The following ZMYND8 variants were observed in gnomAD, a reference collection of about 807,000 sequenced individuals.
The protein encoded by ZMYND8 is MYND-type zinc finger-containing chromatin reader ZMYND8.
In ZMYND8, 37 loss-of-function variants were observed where a neutral mutation model predicts 140.8. The observed-to-expected ratio is 0.26, with a 90% confidence interval of 0.20 to 0.35. ZMYND8 has a LOEUF of 0.35. Among genes scored for constraint, ZMYND8 ranks in the 10% least tolerant of loss-of-function variants. ZMYND8 has a pLI of 1.00. For missense variants in ZMYND8, 1,068 were observed against 1,570.0 expected, an observed-to-expected ratio of 0.68 and a Z score of 5.40; for synonymous variants, 592 against 597.1, an observed-to-expected ratio of 0.99 and a Z score of 0.12.
intron 14 of ZMYND8, among the ~76,000 whole-genome samples, chr20:47,241,294 C>CAAAA (rs11476591): frequency 3.2e-5 from 2 of 62,018 alleles, no homozygotes; most frequent in East Asian, 5.6e-4. Flanking sequence ...GACTCCGTCT[C>CAAAA]AAAAAAAAAA....
At chr20:47,352,487 A>C in intron 1 of ZMYND8, 1 of 985,448 alleles carries the variant, frequency 1.0e-6, no homozygotes, top group South Asian at 4.7e-5. Context: ...CTCACAAATT[A>C]GATTTCTGAC....
chr20:47,273,885 AT>A (rs1351497773), intron 11 of ZMYND8, among the ~76,000 whole-genome samples: 1 of 152,240 alleles, frequency 6.6e-6, no homozygotes, highest in Non-Finnish European at 1.5e-5. Context: ...AAAGGGGGCA[AT>A]TTGTAAGAGT....
At chr20:47,317,133 T>TC (rs34270767) in intron 2 of ZMYND8, among the ~76,000 whole-genome samples, 1 of 152,278 alleles carries the variant, frequency 6.6e-6, no homozygotes, top group East Asian at 1.9e-4. Context: ...TTGCCTTTTT[T>TC]CCCCTAAACT....
At chr20:47,248,169 G>A (rs1466666474) in intron 13 of ZMYND8, among the ~76,000 whole-genome samples, 5 of 152,258 alleles carry the variant, frequency 3.3e-5, no homozygotes, top group South Asian at 2.1e-4. Context: ...TTCTCTATCC[G>A]CAAAATGGGA....
chr20:47,315,170 T>C (rs990707674), intron 2 of ZMYND8, among the ~76,000 whole-genome samples: 4 of 152,134 alleles, frequency 2.6e-5, no homozygotes, highest in Non-Finnish European at 4.4e-5. Flanking sequence ...GGCAAGGGAC[T>C]ATCACCCAAG....
chr20:47,294,699 G>GAGC lies in ZMYND8; in HGVS notation c.531_533dup (p.Leu178dup). 6.2e-7 allele frequency: 1 copy of GAGC among 1,614,180 alleles called. No individual in the cohort carries two copies. Among genetic ancestry groups the GAGC allele is most frequent in the Non-Finnish European group, 8.5e-7 (1 of 1,180,026 alleles). On this transcript the variant is annotated inframe_insertion, in exon 5 of 23. Transcript: ENST00000471951. The stretch of plus-strand genomic sequence containing the variant: ...GTTTCATTTTCTGAATGGCAAACTT[G>GAGC]AGCAGGTAGGATAACTGTTCAATGG...
Position 47,238,972 on chromosome 20 carries a change from G to A in ZMYND8, c.2451C>T (p.Ser817=), listed in dbSNP as rs2039603932. 1.2e-6 allele frequency: 2 copies of A among 1,610,894 alleles called. No homozygotes were observed. The highest frequency in any genetic ancestry group is 1.7e-6 in the Non-Finnish European group (2 of 1,177,264). The change falls in exon 15 of 23, where the codon AGC becomes AGT. Residue 817 remains serine, a synonymous_variant. Coordinates refer to ENST00000471951, the MANE Select transcript of ZMYND8 (RefSeq NM_001281775.3). ...AAAGCGGCCTCTGCTTTTTCACTGG[G>A]CTTCCTGTGGCGGCGGGGGCCGGGG... ...VTAPAPAATG[S]PVKKQRPLLP...
intron 2 of ZMYND8, among the ~76,000 whole-genome samples, chr20:47,325,798 T>G (rs998231059): frequency 2.0e-5 from 3 of 152,126 alleles, no homozygotes; most frequent in Admixed American, 6.6e-5. Flanking sequence ...GTTTTGTTTT[T>G]TTTTTCTGAG....
At chr20:47,240,197 G>C (rs987712773) in intron 14 of ZMYND8, among the ~76,000 whole-genome samples, 1 of 152,056 alleles carries the variant, frequency 6.6e-6, no homozygotes, top group African/African-American at 2.4e-5. Context: ...GTGAGAAAGA[G>C]TGAGTGAGAC....
chr20:47,313,475 A>C (rs2148258904), intron 2 of ZMYND8, among the ~76,000 whole-genome samples: 1 of 151,978 alleles, frequency 6.6e-6, no homozygotes, highest in Non-Finnish European at 1.5e-5. Context: ...ACAAAAAATT[A>C]GCCGGGCGTG....
chr20:47,333,389 G>A (rs979135786), intron 2 of ZMYND8, among the ~76,000 whole-genome samples: 1 of 151,568 alleles, frequency 6.6e-6, no homozygotes, highest in Non-Finnish European at 1.5e-5. Context: ...ATCACTTGAG[G>A]TCAGGAGTTC....
Position 47,262,526 on chromosome 20 carries a change from T to G in ZMYND8, c.1481-98A>C. On this transcript the variant is annotated intron_variant, in intron 11 of 22. Coordinates refer to ENST00000471951, the MANE Select transcript of ZMYND8 (RefSeq NM_001281775.3). ...AGAGAATGGAGAGATTATGAAATTG[T>G]GTTTGATTTCAGCAAGGCCGCTACA... The G allele has an allele frequency of 2.6e-6, 4 of 1,512,910 alleles. 1 individual carries two copies. The highest frequency in any genetic ancestry group is 2.1e-4 in the Middle Eastern group (1 of 4,734). 93.7% of individuals were successfully genotyped at this position (1,512,910 alleles called of 1,614,324 possible).
chr20:47,344,732 G>A (rs1569245704), intron 2 of ZMYND8, among the ~76,000 whole-genome samples: 4 of 152,106 alleles, frequency 2.6e-5, no homozygotes, highest in Non-Finnish European at 1.5e-5. Flanking sequence ...TGGAGCCAGG[G>A]GCTAACATGG....
At chr20:47,352,959 T>C (rs2082915949) in intron 1 of ZMYND8, 1 of 152,256 alleles carries the variant, frequency 6.6e-6, no homozygotes, top group South Asian at 2.1e-4. Flanking sequence ...TTTAAATCTC[T>C]GCTGTGCAGT....
chr20:47,336,293 C>CA (rs1284522390), intron 2 of ZMYND8, among the ~76,000 whole-genome samples: 1 of 152,198 alleles, frequency 6.6e-6, no homozygotes, highest in African/African-American at 2.4e-5. Flanking sequence ...TCCATACCCC[C>CA]AGCAAATCTC....
chr20:47,239,199 G>C (rs997227028), intron 14 of ZMYND8, 61 bp from the exon 15 acceptor site: 14 of 1,462,284 alleles, frequency 9.6e-6, no homozygotes, highest in African/African-American at 1.4e-5. Flanking sequence ...TCACCTGCAC[G>C]GTCTTGACGC....
In ZMYND8 at chr20:47,249,384, C is replaced by A. The variant is rs368985514; in HGVS notation, c.1677G>T (p.Gln559His). ...LKELSESVQQ[Q>H]STPVPLISPK... Reference sequence around the variant, plus strand: ...GAGAGATGAGAGGAACAGGGGTGGACTGTTGCTGGACCGACTCGCTCAGCT... The same window carrying A: ...GAGAGATGAGAGGAACAGGGGTGGAATGTTGCTGGACCGACTCGCTCAGCT... Residue 559 changes from glutamine to histidine, a missense_variant, in exon 13 of 23, where the codon CAG becomes CAT. Transcript: ENST00000471951. 5.8e-5 allele frequency: 93 copies of A among 1,614,062 alleles called. No individual in the cohort carries two copies. The highest frequency in any genetic ancestry group is 7.5e-5 in the Non-Finnish European group (88 of 1,180,046).
chr20:47,351,498 C>G (rs891040087), intron 1 of ZMYND8, among the ~76,000 whole-genome samples: 2 of 152,170 alleles, frequency 1.3e-5, no homozygotes, highest in Non-Finnish European at 2.9e-5. Flanking sequence ...TTCGAAAGGA[C>G]TTTTCCTGGT....
At chr20:47,305,495 C>T (rs2078410392) in intron 3 of ZMYND8, among the ~76,000 whole-genome samples, 2 of 151,698 alleles carry the variant, frequency 1.3e-5, no homozygotes, top group Non-Finnish European at 2.9e-5. Context: ...CCCACCTTAG[C>T]CTCCCAAAGT....
Sources: gnomAD v4.1 joint callset for allele counts (sites outside exome capture counted in the v4.1 genomes callset) on GRCh38, gnomAD v4.1.1 for gene constraint, MANE v1.5 for transcripts, NCBI Gene and HGNC (gene_info 2026-07-23, HGNC 2026-07-21) for gene names.